The following ILDR2 variants were observed in gnomAD, a reference collection of about 807,000 sequenced individuals.
The protein encoded by ILDR2 is immunoglobulin like domain containing receptor 2.
Under a neutral mutation model 66.8 loss-of-function variants are expected in ILDR2, and 25 were observed. The ratio of observed to expected loss-of-function variants is 0.37; its 90% CI spans 0.27 to 0.52. The LOEUF (loss-of-function observed/expected upper bound fraction) is 0.52. Ranked by LOEUF, ILDR2 falls within the 20% of genes least tolerant of loss-of-function variation. The pLI is 0.88. For missense variants in ILDR2, 827 were observed against 876.8 expected, an observed-to-expected ratio of 0.94 and a Z score of 0.72; for synonymous variants, 367 against 357.2, an observed-to-expected ratio of 1.03 and a Z score of -0.31.
chr1:166,945,374 C>T (rs927227539), intron 3 of ILDR2, among the ~76,000 whole-genome samples: 1 of 152,184 alleles, frequency 6.6e-6, no homozygotes, highest in Non-Finnish European at 1.5e-5. Flanking sequence ...AACTCTAGAG[C>T]TAAACACATT....
Position 166,957,954 on chromosome 1 carries a change from C to G in ILDR2, c.194G>C (p.Arg65Pro). Residue 65 changes from arginine (R) to proline (P), a missense_variant, in exon 2 of 10, where the codon CGC becomes CCC. Physicochemically the swap from Arg to Pro is moderately radical, Grantham distance 103. This residue lies in a region of ILDR2 where 437 missense variants were observed against 523.2 expected (regional missense o/e 0.84). Coordinates refer to ENST00000271417, the MANE Select transcript of ILDR2 (RefSeq NM_199351.3). ...GGACATGCCCAAGGATTCTCCCATG[C>G]GATCCTGGCAGTAGGACTTGAACTT... ...QWKFKSYCQD[R>P]MGESLGMSST... The G allele has an allele frequency of 6.2e-7, 1 of 1,614,112 alleles. No homozygotes were observed.
chr1:166,920,858 G>A lies in ILDR2; in HGVS notation c.1733C>T (p.Ser578Leu), dbSNP rs777648089. ...WSPPGTYKAG[S>L]SQDDQEDASD... is the part of the protein sequence containing the mutation. ...CGCGTCCTCCTGGTCGTCCTGCGAC[G>A]AGCCGGCCTTGTAGGTGCCGGGCGG... Residue 578 changes from serine (S) to leucine (L), a missense_variant, in exon 9 of 10, where the codon TCG (serine) becomes TTG (leucine). Coordinates refer to ENST00000271417, the MANE Select transcript of ILDR2 (RefSeq NM_199351.3). The A allele has an allele frequency of 2.4e-5, 36 of 1,507,588 alleles. No individual in the cohort carries two copies. Among genetic ancestry groups the A allele is most frequent in the East Asian group, 1.6e-4 (6 of 36,768 alleles). 93.4% of individuals were successfully genotyped at this position (1,507,588 alleles called of 1,614,324 possible). A position where few individuals can be genotyped will look rare whatever the true frequency, so the allele number is the denominator to read the frequency against.
At chr1:166,926,994 G>C (rs1035165676) in intron 7 of ILDR2, 73 bp downstream of exon 7, 1 of 1,052,388 alleles carries the variant, frequency 9.5e-7, no homozygotes, top group East Asian at 2.5e-5. Context: ...CCCAAGTTTG[G>C]TGACCCCCAA....
At chr1:166,929,081 G>A (rs1295143274) in intron 6 of ILDR2, among the ~76,000 whole-genome samples, 1 of 152,186 alleles carries the variant, frequency 6.6e-6, no homozygotes, top group Non-Finnish European at 1.5e-5. Context: ...AGCCTGGGAA[G>A]TGGGGAACTG....
At chr1:166,947,473 A>G (rs1029344295) in intron 3 of ILDR2, among the ~76,000 whole-genome samples, 4 of 152,238 alleles carry the variant, frequency 2.6e-5, no homozygotes, top group Non-Finnish European at 5.9e-5. Context: ...TCTCATGGGA[A>G]GCCAATTCAG....
intron 9 of ILDR2, 153 bp downstream of exon 9, chr1:166,920,554 C>T: frequency 4.0e-6 from 2 of 496,004 alleles, no homozygotes; most frequent in Non-Finnish European, 2.6e-6. Flanking sequence ...CTAGCATCCG[C>T]GGACGAACTC....
chr1:166,897,811 C>A (rs544157528), intron 2 of ILDR2, among the ~76,000 whole-genome samples: 2 of 152,278 alleles, frequency 1.3e-5, no homozygotes, highest in African/African-American at 4.8e-5. Flanking sequence ...CTGATTTGTA[C>A]CTTGATAATA....
chr1:166,899,602 C>T (rs1416453390), intron 2 of ILDR2, among the ~76,000 whole-genome samples: 1 of 152,068 alleles, frequency 6.6e-6, no homozygotes, highest in African/African-American at 2.4e-5. Context: ...TTTTTGCTGT[C>T]CTCTCAAGAA....
rs1659939975 is a variant in ILDR2, at chr1:166,921,478, G to A, written c.1212-99C>T. ...CATCGTGTCCTGGGGCCACGCTCAG[G>A]AGACCTCGGCCTGAGCCTCAGCTCC... is the stretch of plus-strand genomic sequence containing the variant. On this transcript the variant is annotated intron_variant, in intron 8 of 9. Transcript: ENST00000271417. The surrounding 1 kb of genome is among the most constrained non-coding windows in gnomAD (Gnocchi z 5.3). 9.8e-7 allele frequency: 1 copy of A among 1,016,200 alleles called. No individual in the cohort carries two copies. The allele number at this position is 1,016,200 out of a possible 1,614,324, so 62.9% of individuals were successfully genotyped here.
chr1:166,922,703 C>G lies in ILDR2; in HGVS notation c.1101G>C (p.Leu367Phe). The G allele has an allele frequency of 6.2e-7, 1 of 1,614,210 alleles. No individual in the cohort carries two copies. Among genetic ancestry groups the G allele is most frequent in the Non-Finnish European group, 8.5e-7 (1 of 1,180,038 alleles). ...CTGACCAATAGTCAGGATTGCTCTCCAAGTCCCCAGACACAGGGAACTGCT... is the reference window on the plus strand; with the variant it reads ...CTGACCAATAGTCAGGATTGCTCTCGAAGTCCCCAGACACAGGGAACTGCT... The part of the protein sequence containing the change: ...RSKQFPVSGD[L>F]ESNPDYWSGV... Residue 367 changes from leucine (L) to phenylalanine (F), a missense_variant, in exon 8 of 10, where the codon TTG becomes TTC. This residue lies in a region of ILDR2 where 437 missense variants were observed against 523.2 expected (regional missense o/e 0.84). Coordinates refer to ENST00000271417, the MANE Select transcript of ILDR2 (RefSeq NM_199351.3).
Position 166,909,749 on chromosome 1 carries a change from A to T in ILDR2, c.*9606T>A, listed in dbSNP as rs1465525060. On this transcript the variant is annotated 3_prime_UTR_variant, in exon 10 of 10. Coordinates refer to ENST00000271417, the MANE Select transcript of ILDR2 (RefSeq NM_199351.3). The stretch of plus-strand genomic sequence containing the variant: ...TGTGTATACATACATATATATATAT[A>T]TATATATATAAATATATATAAATAT... 1.5e-4 allele frequency: 17 copies of T among 111,514 alleles called. No homozygotes were observed. The highest frequency in any genetic ancestry group is 5.6e-4 in the African/African-American group (14 of 25,222). 6.9% of individuals were successfully genotyped at this position (111,514 alleles called of 1,614,324 possible).
chr1:166,921,061 C>A lies in ILDR2; in HGVS notation c.1530G>T (p.Leu510=). 4 of 1,492,512 alleles carry A rather than the reference C, an allele frequency of 2.7e-6. No individual in the cohort carries two copies. Among genetic ancestry groups the A allele is most frequent in the Non-Finnish European group, 3.5e-6 (4 of 1,131,316 alleles). 92.5% of individuals were successfully genotyped at this position (1,492,512 alleles called of 1,614,324 possible). A position where few individuals can be genotyped will look rare whatever the true frequency, so the allele number is the denominator to read the frequency against. Residue 510 remains leucine, a synonymous_variant, in exon 9 of 10, where the codon CTG becomes CTT. Coordinates refer to ENST00000271417, the MANE Select transcript of ILDR2 (RefSeq NM_199351.3). The surrounding 1 kb of genome is among the most constrained non-coding windows in gnomAD (Gnocchi z 5.3). ...ARRRPAEDAH[L]PRLVSRTPGT... Reference sequence around the variant, plus strand: ...CTGGCGTGCGGCTCACCAGCCGCGGCAGGTGCGCGTCCTCGGCGGGTCTGC... The same window carrying A: ...CTGGCGTGCGGCTCACCAGCCGCGGAAGGTGCGCGTCCTCGGCGGGTCTGC...
Position 166,908,431 on chromosome 1 carries a change from C to A in ILDR2, c.*10924G>T, listed in dbSNP as rs542692205. 6.6e-6 allele frequency: 1 copy of A among 152,142 alleles called. No homozygotes were observed. The highest frequency in any genetic ancestry group is 2.4e-5 in the African/African-American group (1 of 41,418). The allele number at this position is 152,142 out of a possible 1,614,324, so 9.4% of individuals were successfully genotyped here. A position where few individuals can be genotyped will look rare whatever the true frequency, so the allele number is the denominator to read the frequency against. On this transcript the variant is annotated 3_prime_UTR_variant, in exon 10 of 10. Coordinates refer to ENST00000271417, the MANE Select transcript of ILDR2 (RefSeq NM_199351.3). ...CTAATCACCTCCCAAAGGCCTCATG[C>A]CCAAATACCATCACATTAGGATTAG...
chr1:166,959,070 A>G (rs1007643500), intron 1 of ILDR2, among the ~76,000 whole-genome samples: 1 of 152,204 alleles, frequency 6.6e-6, no homozygotes, highest in African/African-American at 2.4e-5. Flanking sequence ...CCAGTGGGAT[A>G]TCCTGTTTCA....
intron 6 of ILDR2, among the ~76,000 whole-genome samples, chr1:166,934,947 C>A (rs1015479719): frequency 4.6e-5 from 7 of 152,198 alleles, no homozygotes; most frequent in Non-Finnish European, 8.8e-5. Context: ...GTCAGAGAAA[C>A]CATGTCCTAC....
intron 6 of ILDR2, 35 bp from the exon 7 acceptor site, chr1:166,927,215 A>G: frequency 7.0e-7 from 1 of 1,435,046 alleles, no homozygotes; most frequent in Non-Finnish European, 9.7e-7. Flanking sequence ...GAGCTGAAAA[A>G]GGAAAATATC....
intron 9 of ILDR2, 109 bp from the exon 10 acceptor site, chr1:166,919,499 A>G (rs1659774010): frequency 1.1e-6 from 1 of 946,236 alleles, no homozygotes; most frequent in East Asian, 2.6e-5. Flanking sequence ...AGTGCCAGGC[A>G]CCCCTGATTC....
rs140812315 is a variant in ILDR2, at chr1:166,912,225, T to A, written c.*7130A>T. On this transcript the variant is annotated 3_prime_UTR_variant, in exon 10 of 10. Transcript: ENST00000271417. ...AGGGAGTGTAATAATAACTTCAATG[T>A]CCTGAAAGAAAATAACTATCAATCT... is the stretch of plus-strand genomic sequence containing the variant. 39 of 152,274 alleles carry A rather than the reference T, an allele frequency of 2.6e-4. No homozygotes were observed. Among genetic ancestry groups the A allele is most frequent in the African/African-American group, 8.4e-4 (35 of 41,580 alleles). 9.4% of individuals were successfully genotyped at this position (152,274 alleles called of 1,614,324 possible).
chr1:166,968,317 G>A (rs528798831), intron 1 of ILDR2, among the ~76,000 whole-genome samples: 3 of 152,008 alleles, frequency 2.0e-5, no homozygotes, highest in Non-Finnish European at 4.4e-5. Context: ...CTCTTCTCTG[G>A]CCAACTCCTA....
Sources: allele counts gnomAD v4.1 joint callset (sites outside exome capture counted in the v4.1 genomes callset), GRCh38; gene constraint gnomAD v4.1.1; regional missense constraint gnomAD v4.1.1; non-coding constraint Gnocchi (gnomAD v3.1); transcripts MANE v1.5; gene names NCBI Gene and HGNC (gene_info 2026-07-23, HGNC 2026-07-21).